AGO2: variants seen among roughly 807,000 people sequenced by gnomAD.
The protein encoded by AGO2 is argonaute RISC catalytic component 2.
A neutral mutation model predicts 102.3 loss-of-function variants in AGO2; 5 were observed. That is an observed-to-expected ratio of 0.05 (90% confidence interval 0.03 to 0.10). The LOEUF is 0.10. AGO2 is among the 10% of genes least tolerant of loss of function. The pLI is 1.00. For synonymous variants in AGO2, 449 were observed against 473.1 expected (o/e 0.95, Z 0.66); for missense variants, 541 against 1,183.7 (o/e 0.46, Z 7.97).
In AGO2 at chr8:140,529,253, G is replaced by A. The variant is rs746286105; in HGVS notation, c.*2791C>T. On this transcript the variant is annotated 3_prime_UTR_variant, in exon 19 of 19. Transcript: ENST00000220592. ...CACCCACATGATCAGACGATCAGATGCCGGGGAAGGGCCACCTCTGGCTTT... is the reference window on the plus strand; with the variant it reads ...CACCCACATGATCAGACGATCAGATACCGGGGAAGGGCCACCTCTGGCTTT... 1 of 152,240 alleles carries A rather than the reference G, an allele frequency of 6.6e-6. No individual in the cohort carries two copies. Among genetic ancestry groups the A allele is most frequent in the Non-Finnish European group, 1.5e-5 (1 of 68,064 alleles). 9.4% of individuals were successfully genotyped at this position (152,240 alleles called of 1,614,324 possible).
intron 3 of AGO2, among the ~76,000 whole-genome samples, chr8:140,562,846 A>T (rs2073225208): frequency 6.6e-6 from 1 of 152,176 alleles, no homozygotes; most frequent in South Asian, 2.1e-4. Flanking sequence ...GATGAATTTA[A>T]ATGTACAGAG....
intron 3 of AGO2, among the ~76,000 whole-genome samples, chr8:140,571,814 C>T (rs527312647): frequency 6.6e-6 from 1 of 152,202 alleles, no homozygotes; most frequent in Non-Finnish European, 1.5e-5. Context: ...GGCACGATAT[C>T]AGCTCACCAT....
At chr8:140,573,213 G>A (rs769056388) in intron 2 of AGO2, among the ~76,000 whole-genome samples, 6 of 150,960 alleles carry the variant, frequency 4.0e-5, no homozygotes, top group African/African-American at 9.8e-5. Flanking sequence ...CTTGTTGCCC[G>A]GGCTGGAGTG....
chr8:140,631,493 T>C (rs933276950), intron 1 of AGO2, among the ~76,000 whole-genome samples: 1 of 147,378 alleles, frequency 6.8e-6, no homozygotes. Flanking sequence ...GCCAAGATGG[T>C]ACCACTGCAC....
intron 2 of AGO2, among the ~76,000 whole-genome samples, chr8:140,575,312 C>T (rs1225400398): frequency 6.6e-6 from 1 of 151,158 alleles, no homozygotes; most frequent in African/African-American, 2.4e-5. Context: ...TCTCACCTGG[C>T]ACCTCCCTGG....
At position 140,555,923 on chromosome 8, in the gene AGO2, C is replaced by T; in HGVS notation, c.1242G>A (p.Gln414=). 6.2e-7 allele frequency: 1 copy of T among 1,614,086 alleles called. No homozygotes were observed. The highest frequency in any genetic ancestry group is 8.5e-7 in the Non-Finnish European group (1 of 1,180,020). ...TGCCCCCGTAGAGGATGGAGGGCGG[C>T]TGCAGCACCCGCCCAGTCACGTCTG... The part of the protein sequence containing the change: ...EMTDVTGRVL[Q]PPSILYGGRN... Residue 414 remains glutamine (Q), a synonymous_variant, in exon 10 of 19, where the codon CAG becomes CAA. Coordinates refer to ENST00000220592, the MANE Select transcript of AGO2 (RefSeq NM_012154.5).
At chr8:140,617,217 C>T (rs11987214) in intron 1 of AGO2, among the ~76,000 whole-genome samples, 7,309 of 152,190 alleles carry the variant, frequency 0.048, 461 homozygotes, top group African/African-American at 0.14. Context: ...GGCTCTCGGG[C>T]GCATTGACCT....
At chr8:140,545,096 G>A (rs1304905186) in intron 13 of AGO2, among the ~76,000 whole-genome samples, 6 of 152,134 alleles carry the variant, frequency 3.9e-5, no homozygotes, top group Non-Finnish European at 7.4e-5. Context: ...TGAGGCCCTC[G>A]CCTCTGCTGC....
Position 140,567,856 on chromosome 8 carries a change from G to T in AGO2, c.336+4956C>A, listed in dbSNP as rs1210120118. On this transcript the variant is annotated intron_variant, in intron 3 of 18. Transcript: ENST00000220592. The surrounding 1 kb of genome is among the most constrained non-coding windows in gnomAD (Gnocchi z 5.0). Reference sequence around the variant, plus strand: ...AAAGAATGCAAAGAGGCCAGCCTGGGGCTCACGCCTGTAATCCCAGTACCG... The same window carrying T: ...AAAGAATGCAAAGAGGCCAGCCTGGTGCTCACGCCTGTAATCCCAGTACCG... Among the ~76,000 whole-genome samples, 1 of 152,156 alleles carries T rather than the reference G, an allele frequency of 6.6e-6. No individual in the cohort carries two copies. The highest frequency in any genetic ancestry group is 1.5e-5 in the Non-Finnish European group (1 of 68,024).
At chr8:140,633,563 TC>T (rs1170691390) in intron 1 of AGO2, among the ~76,000 whole-genome samples, 13 of 152,146 alleles carry the variant, frequency 8.5e-5, no homozygotes, top group African/African-American at 3.1e-4. Context: ...CAAGACAGCA[TC>T]CCGGGGCAGT....
Position 140,633,191 on chromosome 8 carries a change from C to A in AGO2, c.22+2294G>T, listed in dbSNP as rs545544120. ...CTCCCAATGTAATTTTTCTATAATTCAAATTGAATGTCTTATAATTCTAAA... is the reference window on the plus strand; with the variant it reads ...CTCCCAATGTAATTTTTCTATAATTAAAATTGAATGTCTTATAATTCTAAA... On this transcript the variant is annotated intron_variant, in intron 1 of 18. Coordinates refer to ENST00000220592, the MANE Select transcript of AGO2 (RefSeq NM_012154.5). 2.0e-5 allele frequency among the ~76,000 whole-genome samples: 3 copies of A among 152,058 alleles called. No homozygotes were observed. The South Asian group carries it at 6.2e-4, about 31-fold the overall frequency.
intron 1 of AGO2, among the ~76,000 whole-genome samples, chr8:140,607,587 G>A: frequency 6.6e-6 from 1 of 150,962 alleles, no homozygotes; most frequent in East Asian, 2.0e-4. Flanking sequence ...TATCAGGACA[G>A]TGGAATATTA....
chr8:140,607,840 G>A (rs903512799), intron 1 of AGO2, among the ~76,000 whole-genome samples: 14 of 152,110 alleles, frequency 9.2e-5, no homozygotes, highest in African/African-American at 2.4e-4. Context: ...CGATGGAAAC[G>A]TCTGGACCTA....
intron 1 of AGO2, among the ~76,000 whole-genome samples, chr8:140,633,232 T>C (rs969682826): frequency 6.6e-6 from 1 of 152,166 alleles, no homozygotes; most frequent in African/African-American, 2.4e-5. Flanking sequence ...AAGTATAAGA[T>C]TAAAAAGAGT....
chr8:140,536,463 A>T (rs988606659), intron 16 of AGO2, among the ~76,000 whole-genome samples: 7 of 151,664 alleles, frequency 4.6e-5, no homozygotes, highest in Admixed American at 4.6e-4. Flanking sequence ...AGTGGCTGGG[A>T]CTACAGGCAT....
chr8:140,534,395 G>A (rs974004519), intron 17 of AGO2, among the ~76,000 whole-genome samples: 3 of 152,216 alleles, frequency 2.0e-5, no homozygotes, highest in Non-Finnish European at 4.4e-5. Flanking sequence ...GGCACACGCA[G>A]GCAGGGCATG....
Position 140,549,257 on chromosome 8 carries a change from C to A in AGO2, c.1445G>T (p.Gly482Val). The stretch of plus-strand genomic sequence containing the variant: ...GCACGGCTGGCCCTGGATGGGCATG[C>A]CGGCGTCTCTCGAGATCTTTCTGAG... ...EQLRKISRDA[G>V]MPIQGQPCFC... is the part of the protein sequence containing the mutation. Residue 482 changes from glycine (G) to valine (V), a missense_variant, in exon 12 of 19, where the codon GGC becomes GTC. Gly to Val is a moderately radical substitution (Grantham distance 109). Coordinates refer to ENST00000220592, the MANE Select transcript of AGO2 (RefSeq NM_012154.5). The A allele has an allele frequency of 6.2e-7, 1 of 1,612,486 alleles. No individual in the cohort carries two copies. The highest frequency in any genetic ancestry group is 8.5e-7 in the Non-Finnish European group (1 of 1,179,036).
chr8:140,607,686 A>G (rs1020630156), intron 1 of AGO2, among the ~76,000 whole-genome samples: 1 of 151,930 alleles, frequency 6.6e-6, no homozygotes, highest in African/African-American at 2.4e-5. Flanking sequence ...GCCAGACACA[A>G]AAGTCCGCAT....
rs2072617627 is a variant in AGO2 at position 140,532,616 on chromosome 8, C to G, written c.2272-1G>C. 1 of 1,613,862 alleles carries G rather than the reference C, an allele frequency of 6.2e-7. No homozygotes were observed. The highest frequency in any genetic ancestry group is 1.7e-5 in the Admixed American group (1 of 59,998). On this transcript the variant is annotated splice_acceptor_variant, in intron 17 of 18. Transcript: ENST00000220592. LOFTEE classifies it high-confidence loss of function. ...GATAGTGCGAAGGCCTGCTTGTCCC[C>G]TAAAGCAGATCAGAAGATTAGACAG...
Sources: gnomAD v4.1 joint callset for allele counts (sites outside exome capture counted in the v4.1 genomes callset) on GRCh38, gnomAD v4.1.1 for gene constraint, Gnocchi (gnomAD v3.1) non-coding constraint, MANE v1.5 for transcripts, NCBI Gene and HGNC (gene_info 2026-07-23, HGNC 2026-07-21) for gene names.